The following PACRG variants were observed in gnomAD, a reference collection of about 807,000 sequenced individuals.
PACRG encodes parkin coregulated gene protein.
In PACRG, 29 loss-of-function variants were observed where a neutral mutation model predicts 29.7. That is an observed-to-expected ratio of 0.98 (90% CI 0.73 to 1.33). PACRG has a LOEUF of 1.33. PACRG is among the 40% of genes most tolerant of loss of function. The probability of loss-of-function intolerance (pLI) is 0.00; values close to 1 mark genes in which losing one functional copy is unlikely to be tolerated. For synonymous variants in PACRG, 116 were observed against 118.7 expected (o/e 0.98, Z 0.15); for missense variants, 279 against 316.2 (o/e 0.88, Z 0.89).
chr6:163,314,556 TC>T (rs1401704000), intron 4 of PACRG, among the ~76,000 whole-genome samples: 1 of 151,816 alleles, frequency 6.6e-6, no homozygotes, highest in Non-Finnish European at 1.5e-5. Context: ...AGAAAGAGAG[TC>T]CCCGACTTGT....
At chr6:162,843,706 G>A (rs1197697567) in intron 2 of PACRG, among the ~76,000 whole-genome samples, 1 of 129,350 alleles carries the variant, frequency 7.7e-6, no homozygotes, top group African/African-American at 2.8e-5. Context: ...TTTCTGTTCT[G>A]TTTTTTCCCC....
chr6:162,959,391 A>G (rs1800419516), intron 2 of PACRG, among the ~76,000 whole-genome samples: 1 of 152,060 alleles, frequency 6.6e-6, no homozygotes, highest in Admixed American at 6.6e-5. Context: ...ATGAAGGTCC[A>G]CCACACGCAC....
At position 163,196,594 on chromosome 6, in the gene PACRG, C is replaced by T. The variant is rs182584648; in HGVS notation, c.613+107186C>T. Among the ~76,000 whole-genome samples, 17 of 152,268 alleles carry T rather than the reference C, an allele frequency of 1.1e-4. No individual in the cohort carries two copies. In the East Asian group the frequency reaches 2.3e-3, roughly 21 times the overall value. ...TTCAATAAATGTTACCTGTTGTCGT[C>T]GTTGGAACTGTTGACAGAATTCAGT... On this transcript the variant is annotated intron_variant, in intron 4 of 4. Transcript: ENST00000366888.
intron 2 of PACRG, among the ~76,000 whole-genome samples, chr6:163,037,364 T>C (rs1808300687): frequency 6.6e-6 from 1 of 152,212 alleles, no homozygotes; most frequent in African/African-American, 2.4e-5. Context: ...TCGGCTGAGC[T>C]CCAAGGTCCT....
Position 163,011,860 on chromosome 6 carries a change from G to A in PACRG, c.292-50290G>A, listed in dbSNP as rs142850131. 3.3e-5 allele frequency among the ~76,000 whole-genome samples: 5 copies of A among 152,020 alleles called. No individual in the cohort carries two copies. The East Asian group carries it at 9.7e-4, about 29-fold the overall frequency. ...AACAAAGACACAAACATACACATTA[G>A]CCTGAGCCCACACAGGGTCAGGAGC... is the stretch of plus-strand genomic sequence containing the variant. On this transcript the variant is annotated intron_variant, in intron 2 of 4. Coordinates refer to ENST00000366888, the MANE Select transcript of PACRG (RefSeq NM_001080379.2).
intron 1 of PACRG, among the ~76,000 whole-genome samples, chr6:162,773,038 G>A (rs970393701): frequency 4.6e-5 from 7 of 150,744 alleles, no homozygotes; most frequent in Admixed American, 6.6e-5. Flanking sequence ...TTAGAATCAC[G>A]GAGGTCAATG....
chr6:163,182,722 C>G (rs1779729319), intron 4 of PACRG: 1 of 152,220 alleles, frequency 6.6e-6, no homozygotes, highest in Non-Finnish European at 1.5e-5. Context: ...ATCTTCAGAA[C>G]TAATCTTAAG....
chr6:162,841,820 A>G (rs1383749898), intron 2 of PACRG, among the ~76,000 whole-genome samples: 1 of 152,046 alleles, frequency 6.6e-6, no homozygotes, highest in African/African-American at 2.4e-5. Context: ...GGTTTCAAAG[A>G]ACATCTTTAT....
intron 1 of PACRG, among the ~76,000 whole-genome samples, chr6:162,755,743 T>C (rs1263297677): frequency 3.3e-5 from 5 of 152,228 alleles, no homozygotes; most frequent in Non-Finnish European, 5.9e-5. Flanking sequence ...AGCCCTTTCT[T>C]CTTTTTTTGA....
intron 4 of PACRG, among the ~76,000 whole-genome samples, chr6:163,276,024 TTTCTTTCTTTC>T (rs1353858315): frequency 0.011 from 1,645 of 148,640 alleles, 32 homozygotes; most frequent in African/African-American, 0.041. Context: ...TCTTTCTTTC[TTTCTTTCTTTC>T]TTTTTTATTT....
chr6:162,826,445 G>T (rs1306007887), intron 2 of PACRG, among the ~76,000 whole-genome samples: 1 of 151,188 alleles, frequency 6.6e-6, no homozygotes, highest in Non-Finnish European at 1.5e-5. Flanking sequence ...CTGGAGTAAA[G>T]ATTTTTCTTT....
intron 1 of PACRG, among the ~76,000 whole-genome samples, chr6:162,738,632 A>G (rs182676204): frequency 2.0e-5 from 3 of 152,316 alleles, no homozygotes; most frequent in Admixed American, 2.0e-4. Context: ...CAAAAGGCAT[A>G]GCACTATACT....
intron 1 of PACRG, among the ~76,000 whole-genome samples, chr6:162,781,661 T>C (rs561456460): frequency 4.0e-4 from 61 of 151,974 alleles, no homozygotes; most frequent in Non-Finnish European, 3.2e-4. Context: ...AAGGTTTTTA[T>C]ATGTGTGTGT....
intron 2 of PACRG, among the ~76,000 whole-genome samples, chr6:163,049,032 C>G (rs1450180407): frequency 6.6e-6 from 1 of 151,866 alleles, no homozygotes; most frequent in East Asian, 1.9e-4. Flanking sequence ...TATGTGTAAA[C>G]TTTATATGAA....
intron 3 of PACRG, among the ~76,000 whole-genome samples, chr6:163,079,962 G>A (rs944695134): frequency 1.0e-4 from 15 of 146,776 alleles, no homozygotes; most frequent in Admixed American, 2.7e-4. Flanking sequence ...CAGTGGCGCG[G>A]TCTCGGCTCA....
intron 4 of PACRG, among the ~76,000 whole-genome samples, chr6:163,253,910 T>C (rs1471160101): frequency 1.3e-5 from 2 of 152,094 alleles, no homozygotes; most frequent in Non-Finnish European, 2.9e-5. Flanking sequence ...AGGGAGGGGC[T>C]TAGTGTTCCT....
chr6:163,055,481 C>T lies in PACRG; in HGVS notation c.292-6669C>T, dbSNP rs139238063. Among the ~76,000 whole-genome samples, 159 of 151,970 alleles carry T rather than the reference C, an allele frequency of 1.0e-3. 1 individual carries two copies. The highest frequency in any genetic ancestry group is 3.7e-3 in the African/African-American group (154 of 41,426). On this transcript the variant is annotated intron_variant, in intron 2 of 4. Coordinates refer to ENST00000366888, the MANE Select transcript of PACRG (RefSeq NM_001080379.2). This position sits in a 1 kb window ranked among gnomAD's most constrained non-coding sequence, Gnocchi z 4.0. ...CCAAAGCCTAGGCCAAATTCATCCA[C>T]TGAAAACAAAATTATTATAATAAAA...
At chr6:163,272,892 CTTTTT>C (rs200076248) in intron 4 of PACRG, among the ~76,000 whole-genome samples, 2 of 109,480 alleles carry the variant, frequency 1.8e-5, no homozygotes, top group Non-Finnish European at 1.8e-5. Context: ...ATGCATCATT[CTTTTT>C]TTTTTTTTTT....
chr6:162,792,483 C>G (rs987757646), intron 1 of PACRG, among the ~76,000 whole-genome samples: 1 of 152,106 alleles, frequency 6.6e-6, no homozygotes, highest in Non-Finnish European at 1.5e-5. Context: ...TGTCAGAAAC[C>G]TGGCTGGCCA....
Sources: gnomAD v4.1 joint callset for allele counts (sites outside exome capture counted in the v4.1 genomes callset) on GRCh38, gnomAD v4.1.1 for gene constraint, Gnocchi (gnomAD v3.1) non-coding constraint, MANE v1.5 for transcripts, NCBI Gene and HGNC (gene_info 2026-07-23, HGNC 2026-07-21) for gene names.